Variants in KLHL8 observed in about 807,000 individuals in gnomAD.
KLHL8 encodes the protein kelch like family member 8.
KLHL8 carries 38 observed loss-of-function variants against 63.5 expected under a neutral mutation model. The ratio of observed to expected loss-of-function variants is 0.60; its 90% CI spans 0.46 to 0.78. KLHL8 has a LOEUF of 0.78. KLHL8 is among the 30% of genes least tolerant of loss of function. The pLI is 0.00. For synonymous variants in KLHL8, 224 were observed against 254.3 expected (o/e 0.88, Z 1.13); for missense variants, 566 against 752.4 (o/e 0.75, Z 2.90).
chr4:87,226,494 G>A (rs995507555), intron 1 of KLHL8, among the ~76,000 whole-genome samples: 80 of 146,910 alleles, frequency 5.4e-4, no homozygotes, highest in African/African-American at 1.8e-3. Flanking sequence ...TCCAGGAGGC[G>A]GAGGTTGCAG....
intron 2 of KLHL8, among the ~76,000 whole-genome samples, chr4:87,191,412 T>C (rs534094706): frequency 4.2e-4 from 64 of 152,174 alleles, no homozygotes; most frequent in South Asian, 1.9e-3. Context: ...CCATGACCCA[T>C]GACTGCATCA....
At chr4:87,207,231 A>C in intron 1 of KLHL8, 1 of 565,508 alleles carries the variant, frequency 1.8e-6, no homozygotes, top group African/African-American at 1.9e-5. Context: ...ATGTTCCAGT[A>C]GGATTTTACC....
chr4:87,210,790 AC>A (rs1160012063), intron 1 of KLHL8, among the ~76,000 whole-genome samples: 1 of 151,514 alleles, frequency 6.6e-6, no homozygotes, highest in Non-Finnish European at 1.5e-5. Context: ...GCCCTTTACC[AC>A]CCCTCTCTCC....
At chr4:87,222,679 GT>G, upstream of KLHL8, among the ~76,000 whole-genome samples, 1 of 152,188 alleles carries the variant, frequency 6.6e-6, no homozygotes, top group South Asian at 2.1e-4. Flanking sequence ...CACCTCCCAG[GT>G]TCAAGTGATT....
At chr4:87,190,033 C>CAAAA (rs35607781) in intron 2 of KLHL8, among the ~76,000 whole-genome samples, 4 of 76,734 alleles carry the variant, frequency 5.2e-5, no homozygotes, top group Admixed American at 1.5e-4. Flanking sequence ...GCCTCCATCT[C>CAAAA]AAAAAAAAAA....
At chr4:87,212,591 A>C (rs879309876) in intron 1 of KLHL8, among the ~76,000 whole-genome samples, 1 of 152,124 alleles carries the variant, frequency 6.6e-6, no homozygotes, top group Non-Finnish European at 1.5e-5. Context: ...AAAAAGAAAA[A>C]AAAAAATTTT....
intron 1 of KLHL8, among the ~76,000 whole-genome samples, chr4:87,216,586 C>G (rs1732604365): frequency 6.6e-6 from 1 of 152,096 alleles, no homozygotes; most frequent in South Asian, 2.1e-4. Flanking sequence ...CATTTATGCT[C>G]ACGCTAACAG....
At chr4:87,219,618 A>T (rs1732741834) in intron 1 of KLHL8, 1 of 152,328 alleles carries the variant, frequency 6.6e-6, no homozygotes, top group Admixed American at 6.5e-5. Context: ...AAAGCACGAG[A>T]CACGTAGAAA....
At chr4:87,163,828 A>G in intron 9 of KLHL8, 50 bp downstream of exon 9, 2 of 1,564,746 alleles carry the variant, frequency 1.3e-6, no homozygotes, top group Non-Finnish European at 1.8e-6. Context: ...GAAGTAATCT[A>G]CTATTATACC....
At chr4:87,233,622 C>T (rs1178538982) in intron 1 of KLHL8, among the ~76,000 whole-genome samples, 1 of 152,076 alleles carries the variant, frequency 6.6e-6, no homozygotes, top group Non-Finnish European at 1.5e-5. Flanking sequence ...CACCTATTTA[C>T]CTAGTGGGTT....
intron 1 of KLHL8, among the ~76,000 whole-genome samples, chr4:87,235,584 T>A (rs1733211985): frequency 6.6e-6 from 1 of 152,186 alleles, no homozygotes; most frequent in South Asian, 2.1e-4. Context: ...TGAGATGAAT[T>A]GAATAAACTA....
At chr4:87,180,451 G>A (rs1731007279) in intron 4 of KLHL8, among the ~76,000 whole-genome samples, 2 of 152,132 alleles carry the variant, frequency 1.3e-5, no homozygotes, top group South Asian at 4.1e-4. Flanking sequence ...ACTCTTCCAA[G>A]ATAAAAAATA....
At chr4:87,170,051 T>C (rs750911634) in intron 8 of KLHL8, 28 bp downstream of exon 8, 7 of 1,569,828 alleles carry the variant, frequency 4.5e-6, no homozygotes, top group Admixed American at 3.4e-5. Flanking sequence ...TATATACTGA[T>C]ATATTAGAGA....
Position 87,170,676 on chromosome 4 carries a change from TA to T in KLHL8, c.1209-62del, listed in dbSNP as rs1056467678. ...TTTGTTTCCAGGAAAAAAAGTCATA[TA>T]AAAAATTGTGCTAATGCAAATCATT... On this transcript the variant is annotated intron_variant, in intron 6 of 9. Transcript: ENST00000273963. The T allele has an allele frequency of 2.8e-6, 4 of 1,438,282 alleles. No individual in the cohort carries two copies. In the African/African-American group the frequency reaches 4.3e-5, roughly 15 times the overall value. 89.1% of individuals were successfully genotyped at this position (1,438,282 alleles called of 1,614,324 possible).
At chr4:87,183,646 C>A (rs1275656309) in intron 3 of KLHL8, among the ~76,000 whole-genome samples, 1 of 152,118 alleles carries the variant, frequency 6.6e-6, no homozygotes. Flanking sequence ...ATTATATCCA[C>A]CCACTTTAAA....
intron 1 of KLHL8, among the ~76,000 whole-genome samples, chr4:87,230,087 G>A (rs2110069957): frequency 6.6e-6 from 1 of 152,194 alleles, no homozygotes; most frequent in African/African-American, 2.4e-5. Context: ...TAAAGGTGTG[G>A]ACAGATTCTA....
chr4:87,185,602 C>G lies in KLHL8; in HGVS notation c.414G>C (p.Gln138His), dbSNP rs1731222230. The change falls in exon 3 of 10, where the codon CAG (glutamine) becomes CAC (histidine). Residue 138 changes from glutamine to histidine, a missense_variant. By Grantham distance (24) the Gln-to-His change is conservative. Coordinates refer to ENST00000273963, the MANE Select transcript of KLHL8 (RefSeq NM_020803.5). ...GAATACAGGCTGCATATAAGAGAGG[C>G]TGGACATTGTCAACAGTCAAAGTGA... ...SRLTLTVDNV[Q>H]PLLYAACILQ... is the part of the protein sequence containing the mutation. 6.2e-7 allele frequency: 1 copy of G among 1,614,224 alleles called. No homozygotes were observed. Among genetic ancestry groups the G allele is most frequent in the Non-Finnish European group, 8.5e-7 (1 of 1,180,024 alleles).
chr4:87,200,138 C>CAAAAAAAAAAAAA (rs61605160), intron 1 of KLHL8, among the ~76,000 whole-genome samples: 249 of 73,340 alleles, frequency 3.4e-3, no homozygotes, highest in African/African-American at 3.7e-3. Context: ...GAGACTGCCT[C>CAAAAAAAAAAAAA]AAAAAAAAAA....
At chr4:87,231,551 T>C (rs1173327006) in intron 1 of KLHL8, among the ~76,000 whole-genome samples, 1 of 152,160 alleles carries the variant, frequency 6.6e-6, no homozygotes, top group Non-Finnish European at 1.5e-5. Context: ...GTGGCAGGCA[T>C]GTACAAGGAC....
Sources: gnomAD v4.1 joint callset for allele counts (sites outside exome capture counted in the v4.1 genomes callset) on GRCh38, gnomAD v4.1.1 for gene constraint, MANE v1.5 for transcripts, NCBI Gene and HGNC (gene_info 2026-07-23, HGNC 2026-07-21) for gene names.